PCAT7: variants seen among roughly 807,000 people sequenced by gnomAD.
The protein encoded by PCAT7 is prostate cancer associated transcript 7, also known as prostate cancer associated transcript 7 (non-protein coding).
intron 2 of PCAT7, among the ~76,000 whole-genome samples, chr9:94,566,324 G>A (rs2131445454): frequency 6.6e-6 from 1 of 152,192 alleles, no homozygotes; most frequent in East Asian, 1.9e-4. Context: ...CCGGAATGAG[G>A]GCAAGGAACA....
intron 2 of PCAT7, chr9:94,567,592 G>A (rs1192836496): frequency 1.7e-6 from 1 of 596,132 alleles, no homozygotes; most frequent in African/African-American, 1.8e-5. Context: ...ACCATATGGA[G>A]CCCACACAGG....
At position 94,558,883 on chromosome 9, in the gene PCAT7, G is replaced by A. The variant is rs1827049039; in HGVS notation, n.258-86G>A. 2.0e-6 allele frequency: 3 copies of A among 1,513,890 alleles called. No individual in the cohort carries two copies. In the African/African-American group the frequency reaches 4.1e-5, roughly 21 times the overall value. 93.8% of individuals were successfully genotyped at this position (1,513,890 alleles called of 1,614,324 possible). On this transcript the variant is annotated intron_variant and non_coding_transcript_variant, in intron 1 of 8. Transcript: ENST00000647389. The stretch of plus-strand genomic sequence containing the variant: ...ACCATCTCTGTTTATCGTTCATTTA[G>A]GGTCCTTAGACAAGGTGCAAGACAA...
intron 2 of PCAT7, among the ~76,000 whole-genome samples, chr9:94,571,146 T>C (rs1827264418): frequency 2.0e-5 from 3 of 152,178 alleles, no homozygotes; most frequent in South Asian, 2.1e-4. Context: ...ATTTGCAGCA[T>C]TGTGATTCTT....
upstream of PCAT7, chr9:94,554,951 C>G (rs113612193): frequency 0.043 from 6,474 of 152,264 alleles, 447 homozygotes; most frequent in African/African-American, 0.15. Context: ...ACTACATGTT[C>G]TGATTGGATG....
At chr9:94,563,461 C>T (rs769713594) in intron 2 of PCAT7, 2 of 1,612,396 alleles carry the variant, frequency 1.2e-6, no homozygotes, top group African/African-American at 2.7e-5. Flanking sequence ...GCACTGCCAT[C>T]CTAGAAGACA....
chr9:94,561,902 T>A (rs1332567288), intron 2 of PCAT7, among the ~76,000 whole-genome samples: 1 of 152,196 alleles, frequency 6.6e-6, no homozygotes, highest in Non-Finnish European at 1.5e-5. Context: ...GACATGAGTA[T>A]GTGATCCCAT....
chr9:94,554,895 G>T (rs1045304774), upstream of PCAT7, among the ~76,000 whole-genome samples: 1 of 152,112 alleles, frequency 6.6e-6, no homozygotes. Context: ...GAAATGACGC[G>T]CCGCTGCCTC....
At chr9:94,557,148 G>C (rs1295690440) in intron 1 of PCAT7, among the ~76,000 whole-genome samples, 1 of 152,082 alleles carries the variant, frequency 6.6e-6, no homozygotes, top group Non-Finnish European at 1.5e-5. Context: ...AGTATATTTT[G>C]AAATCAGGTA....
intron 2 of PCAT7, among the ~76,000 whole-genome samples, chr9:94,566,630 G>A (rs1430724440): frequency 6.6e-6 from 1 of 152,226 alleles, no homozygotes; most frequent in Non-Finnish European, 1.5e-5. Context: ...CTGTGTGTGT[G>A]TCTTTAATTC....
intron 1 of PCAT7, chr9:94,558,826 T>C (rs929186354): frequency 2.0e-6 from 2 of 988,492 alleles, no homozygotes. Flanking sequence ...TGTATGTGAT[T>C]AAGTGGATTT....
intron 2 of PCAT7, chr9:94,568,728 A>G (rs1160716665): frequency 6.6e-6 from 1 of 152,162 alleles, no homozygotes; most frequent in Non-Finnish European, 1.5e-5. Context: ...TCAATAACAA[A>G]AACAACTAAA....
chr9:94,559,505 G>A (rs1415080616), intron 2 of PCAT7, among the ~76,000 whole-genome samples: 1 of 150,030 alleles, frequency 6.7e-6, no homozygotes, highest in Non-Finnish European at 1.5e-5. Context: ...TTATATGTGA[G>A]ACCTCAAGGC....
At chr9:94,558,388 G>A (rs889050421) in intron 1 of PCAT7, among the ~76,000 whole-genome samples, 25 of 152,002 alleles carry the variant, frequency 1.6e-4, no homozygotes, top group Non-Finnish European at 3.5e-4. Flanking sequence ...TCTGCCTCCC[G>A]GGTTCACGCC....
intron 1 of PCAT7, among the ~76,000 whole-genome samples, chr9:94,555,590 G>A (rs868222177): frequency 1.4e-5 from 2 of 144,684 alleles, no homozygotes; most frequent in East Asian, 4.4e-4. Flanking sequence ...GGTGAGGGGG[G>A]GAAAATGGGC....
At chr9:94,558,930 C>A in intron 1 of PCAT7, 1 of 1,613,932 alleles carries the variant, frequency 6.2e-7, no homozygotes, top group Non-Finnish European at 8.5e-7. Flanking sequence ...CATGTGGGGT[C>A]AAACTCGCTA....
At chr9:94,561,982 A>G (rs911715383) in intron 2 of PCAT7, among the ~76,000 whole-genome samples, 4 of 152,092 alleles carry the variant, frequency 2.6e-5, no homozygotes, top group Non-Finnish European at 5.9e-5. Context: ...GTTCTCCCCA[A>G]TGTAACTGAG....
intron 1 of PCAT7, among the ~76,000 whole-genome samples, chr9:94,557,123 T>C (rs1827023681): frequency 6.6e-6 from 1 of 152,254 alleles, no homozygotes. Context: ...AGTACCATGC[T>C]TACCATAGAT....
In PCAT7 at chr9:94,558,812, C is replaced by CT. The variant is rs1827047658; in HGVS notation, n.258-155dup. ...CTGTCGTAAGCAGTTTGTTGTTGCT[C>CT]TTCTGTATGTGATTAAGTGGATTTA... On this transcript the variant is annotated intron_variant and non_coding_transcript_variant, in intron 1 of 8. Coordinates refer to ENST00000647389, the Ensembl canonical transcript of PCAT7. The CT allele has an allele frequency of 4.6e-6, 4 of 870,084 alleles. No individual in the cohort carries two copies. In the Admixed American group the frequency reaches 7.1e-5, roughly 15 times the overall value. The allele number at this position is 870,084 out of a possible 1,614,324, so 53.9% of individuals were successfully genotyped here. A position where few individuals can be genotyped will look rare whatever the true frequency, so the allele number is the denominator to read the frequency against.
At chr9:94,559,625 T>C (rs1197477111) in intron 2 of PCAT7, among the ~76,000 whole-genome samples, 2 of 152,170 alleles carry the variant, frequency 1.3e-5, no homozygotes, top group Non-Finnish European at 2.9e-5. Flanking sequence ...CTCCACATCT[T>C]AAGCTTTGAC....
Sources: allele counts gnomAD v4.1 joint callset (sites outside exome capture counted in the v4.1 genomes callset), GRCh38; gene constraint gnomAD v4.1.1; transcripts MANE v1.5; gene names NCBI Gene and HGNC (gene_info 2026-07-23, HGNC 2026-07-21).